Variants in RP1 observed in about 807,000 individuals in gnomAD.
RP1 encodes RP1 axonemal microtubule associated, also known as oxygen-regulated protein 1.
In RP1, 16 loss-of-function variants were observed where a neutral mutation model predicts 14.8. The observed-to-expected ratio is 1.08, with a 90% CI of 0.73 to 1.65. The LOEUF is 1.65. RP1 is among the 40% of genes most tolerant of loss of function. The pLI is 0.00. For synonymous variants in RP1, 876 were observed against 883.6 expected, an observed-to-expected ratio of 0.99 and a Z score of 0.15; for missense variants, 2,631 against 2,535.0, an observed-to-expected ratio of 1.04 and a Z score of -0.81.
chr8:54,776,093 A>G (rs1169124316), intron 23 of RP1, among the ~76,000 whole-genome samples: 1 of 152,248 alleles, frequency 6.6e-6, no homozygotes, highest in African/African-American at 2.4e-5. Context: ...CTATTTATAC[A>G]GCATTTATAC....
intron 3 of RP1, among the ~76,000 whole-genome samples, chr8:54,642,999 T>C (rs1309755027): frequency 6.7e-6 from 1 of 150,214 alleles, no homozygotes; most frequent in Non-Finnish European, 1.5e-5. Flanking sequence ...TGTGTTCTCT[T>C]TTTTTTTAAT....
At chr8:54,593,843 C>A (rs1170345281) in intron 1 of RP1, among the ~76,000 whole-genome samples, 12 of 152,232 alleles carry the variant, frequency 7.9e-5, no homozygotes, top group Admixed American at 7.9e-4. Context: ...GGGGTGCTCA[C>A]AGGAGTCTTG....
chr8:54,762,088 G>C (rs773095780), intron 22 of RP1, among the ~76,000 whole-genome samples: 1 of 152,154 alleles, frequency 6.6e-6, no homozygotes, highest in Admixed American at 6.5e-5. Flanking sequence ...CAGTCCTGGC[G>C]GGGGAGCTGG....
intron 3 of RP1, among the ~76,000 whole-genome samples, chr8:54,644,587 T>C (rs1806510417): frequency 6.6e-6 from 1 of 152,200 alleles, no homozygotes; most frequent in South Asian, 2.1e-4. Flanking sequence ...TGTTTAATGC[T>C]GTTAGCAAGA....
intron 1 of RP1, among the ~76,000 whole-genome samples, chr8:54,568,872 C>T (rs1216087029): frequency 6.6e-6 from 1 of 152,160 alleles, no homozygotes; most frequent in Non-Finnish European, 1.5e-5. Context: ...TAAATGGTTC[C>T]ACCACTTGTT....
intron 1 of RP1, among the ~76,000 whole-genome samples, chr8:54,584,307 G>A (rs536666469): frequency 1.8e-4 from 27 of 152,146 alleles, no homozygotes; most frequent in African/African-American, 5.3e-4. Flanking sequence ...GTAGTTGAGC[G>A]GTTTTGAGTG....
chr8:54,612,682 T>C (rs1259109359), upstream of RP1, among the ~76,000 whole-genome samples: 1 of 152,190 alleles, frequency 6.6e-6, no homozygotes, highest in African/African-American at 2.4e-5. Flanking sequence ...TCATCTCACT[T>C]AAAGTTAAAG....
chr8:54,677,337 G>T (rs1807314870), intron 8 of RP1, among the ~76,000 whole-genome samples: 1 of 152,032 alleles, frequency 6.6e-6, no homozygotes, highest in African/African-American at 2.4e-5. Flanking sequence ...CACTGATCTA[G>T]GGAACTGTGA....
chr8:54,778,603 A>G lies in RP1; in HGVS notation c.3452-4944A>G, dbSNP rs151252072. On this transcript the variant is annotated intron_variant, in intron 23 of 28. Transcript: ENST00000637698. The stretch of plus-strand genomic sequence containing the variant: ...CTCCCAAAGTGCTGGGATTACAGGC[A>G]TGAGCCACAATGCCCAGCCATGTTA... 3.0e-3 allele frequency among the ~76,000 whole-genome samples: 455 copies of G among 152,230 alleles called. 3 individuals are homozygous for G. The highest frequency in any genetic ancestry group is 0.01 in the African/African-American group (425 of 41,556).
chr8:54,688,785 T>C (rs1054020708), intron 12 of RP1, among the ~76,000 whole-genome samples: 4 of 152,210 alleles, frequency 2.6e-5, no homozygotes, highest in African/African-American at 7.2e-5. Context: ...AGGATTGTCT[T>C]GGCAATGCAG....
intron 24 of RP1, among the ~76,000 whole-genome samples, chr8:54,797,950 CAT>C (rs913912586): frequency 9.7e-4 from 141 of 146,022 alleles, no homozygotes; most frequent in African/African-American, 3.5e-3. Flanking sequence ...ATTTTAGACA[CAT>C]GTCACATTAT....
At chr8:54,672,901 C>G (rs573612957) in intron 7 of RP1, among the ~76,000 whole-genome samples, 2 of 152,112 alleles carry the variant, frequency 1.3e-5, no homozygotes, top group Non-Finnish European at 2.9e-5. Context: ...TTATAAATAT[C>G]ATAACTCGTA....
At chr8:54,563,163 C>T (rs1466255631) in intron 1 of RP1, among the ~76,000 whole-genome samples, 1 of 152,206 alleles carries the variant, frequency 6.6e-6, no homozygotes, top group African/African-American at 2.4e-5. Flanking sequence ...AGAGTCAGCC[C>T]TCAGGGCTGG....
chr8:54,663,900 CAT>C (rs1308998411), intron 7 of RP1: 1 of 1,434,936 alleles, frequency 7.0e-7, no homozygotes, highest in South Asian at 1.4e-5. Context: ...GGTAAAAACA[CAT>C]AAAATAAGAT....
Position 54,628,317 on chromosome 8 carries a change from T to C in RP1, c.4435T>C (p.Phe1479Leu), listed in dbSNP as rs761201783. 1.9e-6 allele frequency: 3 copies of C among 1,613,852 alleles called. No individual in the cohort carries two copies. The South Asian group carries it at 3.3e-5, about 18-fold the overall frequency. Residue 1479 changes from phenylalanine to leucine, a missense_variant, in exon 4 of 4, where the codon TTT becomes CTT. Phe to Leu is a conservative substitution (Grantham distance 22, BLOSUM62 0). Transcript: ENST00000220676. ...EELENHDTDI[F>L]NTVVNGGEQA... Reference sequence around the variant, plus strand: ...ATTAGAAAACCATGACACTGATATCTTTAATACAGTGGTAAATGGAGGAGA... The same window carrying C: ...ATTAGAAAACCATGACACTGATATCCTTAATACAGTGGTAAATGGAGGAGA...
At chr8:54,803,617 T>C (rs1043368303) in intron 24 of RP1, among the ~76,000 whole-genome samples, 2 of 152,194 alleles carry the variant, frequency 1.3e-5, no homozygotes, top group African/African-American at 2.4e-5. Flanking sequence ...TATATCTTTA[T>C]TTACTATTAC....
At chr8:54,634,279 T>C (rs1003626634), downstream of RP1, among the ~76,000 whole-genome samples, 71 of 152,212 alleles carry the variant, frequency 4.7e-4, 1 homozygote, top group Admixed American at 7.9e-4. Flanking sequence ...TAGGGAATTA[T>C]TAACATATAC....
chr8:54,654,303 T>C (rs1806712821), intron 5 of RP1, among the ~76,000 whole-genome samples: 1 of 152,202 alleles, frequency 6.6e-6, no homozygotes, highest in African/African-American at 2.4e-5. Context: ...GATTCCATGA[T>C]AGCAACAATA....
At chr8:54,752,248 T>C (rs530599870) in intron 19 of RP1, among the ~76,000 whole-genome samples, 1 of 152,316 alleles carries the variant, frequency 6.6e-6, no homozygotes, top group East Asian at 1.9e-4. Context: ...TATTAATCAT[T>C]GAAATAAATG....
Sources: gnomAD v4.1 joint callset for allele counts (sites outside exome capture counted in the v4.1 genomes callset) on GRCh38, gnomAD v4.1.1 for gene constraint, MANE v1.5 for transcripts, NCBI Gene and HGNC (gene_info 2026-07-23, HGNC 2026-07-21) for gene names.